PHTF1: variants seen among roughly 807,000 people sequenced by gnomAD.
PHTF1 encodes protein PHTF1.
A neutral mutation model predicts 102.4 loss-of-function variants in PHTF1; 88 were observed. That is an observed-to-expected ratio of 0.86 (90% CI 0.72 to 1.03). PHTF1 has a LOEUF of 1.03. Among genes scored for constraint, PHTF1 ranks in the 50% least tolerant of loss-of-function variants. The pLI is 0.00. For missense variants in PHTF1, 814 were observed against 909.5 expected (o/e 0.89, Z 1.35); for synonymous variants, 289 against 305.2 (o/e 0.95, Z 0.55).
intron 3 of PHTF1, among the ~76,000 whole-genome samples, chr1:113,748,218 A>C (rs956527117): frequency 6.6e-6 from 1 of 152,096 alleles, no homozygotes; most frequent in East Asian, 1.9e-4. Flanking sequence ...AGTTCAAGGG[A>C]TCCTCTTGCC....
chr1:113,753,776 G>A (rs1432442924), intron 3 of PHTF1, among the ~76,000 whole-genome samples: 1 of 148,436 alleles, frequency 6.7e-6, no homozygotes, highest in Non-Finnish European at 1.5e-5. Context: ...CCAGGCTTAA[G>A]CAATCCTCTC....
At chr1:113,734,356 T>C (rs571415837) in intron 5 of PHTF1, among the ~76,000 whole-genome samples, 9 of 152,290 alleles carry the variant, frequency 5.9e-5, no homozygotes, top group African/African-American at 1.9e-4. Flanking sequence ...TAAGTAACCA[T>C]GAACAGACTA....
intron 5 of PHTF1, among the ~76,000 whole-genome samples, chr1:113,730,020 T>C (rs1018271374): frequency 2.6e-5 from 4 of 152,214 alleles, no homozygotes; most frequent in African/African-American, 7.2e-5. Context: ...AATGCAACTA[T>C]AATTGTAAGT....
intron 3 of PHTF1, among the ~76,000 whole-genome samples, chr1:113,750,634 A>G (rs909710225): frequency 2.0e-5 from 3 of 150,344 alleles, no homozygotes; most frequent in African/African-American, 7.3e-5. Context: ...CAAGGCAGGC[A>G]GATCATGAAA....
intron 3 of PHTF1, among the ~76,000 whole-genome samples, chr1:113,750,188 G>A (rs1218976540): frequency 6.6e-6 from 1 of 151,950 alleles, no homozygotes; most frequent in Non-Finnish European, 1.5e-5. Flanking sequence ...GTAGAGCTAT[G>A]TTGCCCAGGC....
chr1:113,724,869 A>G lies in PHTF1; in HGVS notation c.513T>C (p.Gly171=). ...RRRKLRKTVN[G]DGSRENGNNS... ...TATTTCCATTTTCTCGGCTCCCATC[A>G]CCATTTACAGTTTTTCGTAATTTTC... The change falls in exon 7 of 19, where the codon GGT becomes GGC. Residue 171 remains glycine (G), a synonymous_variant. Transcript: ENST00000369604. 1.2e-6 allele frequency: 2 copies of G among 1,604,230 alleles called. No homozygotes were observed. The highest frequency in any genetic ancestry group is 2.3e-5 in the South Asian group (2 of 88,834).
chr1:113,742,688 C>G (rs1656592782), intron 3 of PHTF1, among the ~76,000 whole-genome samples: 1 of 152,056 alleles, frequency 6.6e-6, no homozygotes, highest in Non-Finnish European at 1.5e-5. Context: ...ATAGTGCTCT[C>G]AGGATTGGGA....
rs549642203 is a variant in PHTF1, at chr1:113,699,719, G to C, written c.2127C>G (p.Ser709=). Residue 709 remains serine, a synonymous_variant, in exon 17 of 19, where the codon TCC becomes TCG. Transcript: ENST00000369604. Reference sequence around the variant, plus strand: ...TATGACTTACTTTCAACAACTTGGTGGACAGCTTTAATACATTGTTTACTA... The same window carrying C: ...TATGACTTACTTTCAACAACTTGGTCGACAGCTTTAATACATTGTTTACTA... ...LTLVNNVLKL[S]TKLLKELDTP... 7.0e-7 allele frequency: 1 copy of C among 1,429,310 alleles called. No homozygotes were observed. Among genetic ancestry groups the C allele is most frequent in the Non-Finnish European group, 9.8e-7 (1 of 1,024,306 alleles). 88.5% of individuals were successfully genotyped at this position (1,429,310 alleles called of 1,614,324 possible).
At chr1:113,746,987 T>C in intron 3 of PHTF1, 1 of 166,518 alleles carries the variant, frequency 6.0e-6, no homozygotes, top group Non-Finnish European at 1.2e-5. Flanking sequence ...AACTCTTATT[T>C]AGCCTTTCTA....
intron 5 of PHTF1, 145 bp from the exon 6 acceptor site, chr1:113,726,719 A>C (rs1481478216): frequency 1.8e-6 from 1 of 554,916 alleles, no homozygotes; most frequent in Non-Finnish European, 3.0e-6. Flanking sequence ...ATCCAGATGC[A>C]CATTAGCCAA....
chr1:113,758,588 A>G, intron 2 of PHTF1, 71 bp downstream of exon 2: 1 of 877,412 alleles, frequency 1.1e-6, no homozygotes, highest in Non-Finnish European at 1.7e-6. Context: ...GGAAAGTAAC[A>G]TTATATTATT....
At chr1:113,736,946 C>G (rs1255605978) in intron 5 of PHTF1, among the ~76,000 whole-genome samples, 1 of 152,124 alleles carries the variant, frequency 6.6e-6, no homozygotes, top group Admixed American at 6.5e-5. Context: ...GGGTTTTAAG[C>G]AGGAAAATGA....
intron 5 of PHTF1, among the ~76,000 whole-genome samples, chr1:113,732,406 G>A (rs973753389): frequency 1.3e-5 from 2 of 152,030 alleles, no homozygotes; most frequent in South Asian, 2.1e-4. Context: ...TGAGGTAGGA[G>A]AATTGCTTGA....
intron 6 of PHTF1, 140 bp from the exon 7 acceptor site, chr1:113,725,033 A>T: frequency 1.7e-6 from 1 of 590,964 alleles, no homozygotes; most frequent in Non-Finnish European, 2.8e-6. Context: ...CGGATAAACT[A>T]TGCAAGAACT....
In PHTF1 at chr1:113,706,049, T is replaced by C. The variant is rs754614592; in HGVS notation, c.1512A>G (p.Gln504=). The C allele has an allele frequency of 3.1e-6, 5 of 1,614,142 alleles. No individual in the cohort carries two copies. The highest frequency in any genetic ancestry group is 2.2e-5 in the South Asian group (2 of 91,090). ...HRLFREKSLD[Q]LKSISAEEIL... Reference sequence around the variant, plus strand: ...TCTCCTCAGCTGAAATGGACTTTAGTTGGTCAAGGCTCTTCTCACGGAAAA... The same window carrying C: ...TCTCCTCAGCTGAAATGGACTTTAGCTGGTCAAGGCTCTTCTCACGGAAAA... The change falls in exon 13 of 19, where the codon CAA becomes CAG. Residue 504 remains glutamine (Q), a synonymous_variant. Transcript: ENST00000369604.
intron 7 of PHTF1, among the ~76,000 whole-genome samples, chr1:113,724,155 G>A (rs186385626): frequency 1.5e-3 from 222 of 152,226 alleles, no homozygotes; most frequent in African/African-American, 5.2e-3. Context: ...GGGAACCCCC[G>A]TACACTGTTG....
At chr1:113,706,746 T>C in intron 11 of PHTF1, 24 bp from the exon 12 acceptor site, 2 of 1,573,944 alleles carry the variant, frequency 1.3e-6, no homozygotes, top group Non-Finnish European at 1.7e-6. Flanking sequence ...TATAAAATTG[T>C]TTCTATCCAT....
intron 11 of PHTF1, 130 bp downstream of exon 11, chr1:113,710,123 CA>C (rs1650821718): frequency 2.9e-6 from 2 of 685,114 alleles, no homozygotes; most frequent in Non-Finnish European, 5.1e-6. Flanking sequence ...TCAGTTTCCT[CA>C]CCTCTAAACT....
In PHTF1 at chr1:113,717,010, C is replaced by T. The variant is rs76021488; in HGVS notation, c.624-3572G>A. Among the ~76,000 whole-genome samples, 589 of 152,136 alleles carry T rather than the reference C, an allele frequency of 3.9e-3. 5 individuals carry two copies. Among genetic ancestry groups the T allele is most frequent in the East Asian group, 0.016 (83 of 5,176 alleles). On this transcript the variant is annotated intron_variant, in intron 7 of 18. Transcript: ENST00000369604. ...CTTAAAAGAATACAACATTTCAAGA[C>T]ATAGACAGTATAATAAGATATAAAT...
Sources: allele counts gnomAD v4.1 joint callset (sites outside exome capture counted in the v4.1 genomes callset), GRCh38; gene constraint gnomAD v4.1.1; transcripts MANE v1.5; gene names NCBI Gene and HGNC (gene_info 2026-07-23, HGNC 2026-07-21).